Variants in ASB15 observed in about 807,000 individuals in gnomAD.
The protein encoded by ASB15 is ankyrin repeat and SOCS box protein 15.
A neutral mutation model predicts 58.0 loss-of-function variants in ASB15; 54 were observed. The observed-to-expected ratio is 0.93, with a 90% CI of 0.75 to 1.17. ASB15 has a LOEUF of 1.17. Among genes scored for constraint, ASB15 ranks in the 50% most tolerant of loss-of-function variants. The pLI is 0.00. For missense variants in ASB15, 680 were observed against 707.4 expected (o/e 0.96, Z 0.44); for synonymous variants, 249 against 262.4 (o/e 0.95, Z 0.50).
At chr7:123,623,892 AAGAAAGAATGGAAG>A in intron 7 of ASB15, among the ~76,000 whole-genome samples, 1 of 70,656 alleles carries the variant, frequency 1.4e-5, no homozygotes, top group Non-Finnish European at 2.8e-5. Context: ...GAAAAGAAGA[AAGAAAGAATGGAAG>A]GAAGGAAGGA....
At chr7:123,584,016 T>A (rs1320195945) in intron 1 of ASB15, among the ~76,000 whole-genome samples, 1 of 151,986 alleles carries the variant, frequency 6.6e-6, no homozygotes, top group African/African-American at 2.4e-5. Flanking sequence ...GCCCCGGAGT[T>A]CATCCCTTAA....
intron 11 of ASB15, among the ~76,000 whole-genome samples, chr7:123,631,692 A>T (rs997668765): frequency 1.3e-5 from 2 of 152,192 alleles, no homozygotes; most frequent in Non-Finnish European, 2.9e-5. Context: ...AGTCATTGCA[A>T]GAAAATAATA....
At position 123,628,830 on chromosome 7, in the gene ASB15, T is replaced by C. The variant is rs751458870; in HGVS notation, c.870-34T>C. 2.9e-6 allele frequency: 4 copies of C among 1,369,736 alleles called. No homozygotes were observed. The African/African-American group carries it at 5.9e-5, about 20-fold the overall frequency. The allele number at this position is 1,369,736 out of a possible 1,614,324, so 84.8% of individuals were successfully genotyped here. ...GTTTATTTAATTTCTTGATTTTCTTTATGGCAAGTAGATATTTGACTTTTT... is the reference window on the plus strand; with the variant it reads ...GTTTATTTAATTTCTTGATTTTCTTCATGGCAAGTAGATATTTGACTTTTT... On this transcript the variant is annotated intron_variant, in intron 9 of 11. Transcript: ENST00000451215.
rs1286129165 is a variant in ASB15 at position 123,637,925 on chromosome 7, G to C, written c.*944G>C. The C allele has an allele frequency of 2.4e-5, 3 of 122,614 alleles. No homozygotes were observed. Among genetic ancestry groups the C allele is most frequent in the Non-Finnish European group, 3.4e-5 (2 of 58,738 alleles). The allele number at this position is 122,614 out of a possible 1,614,324, so 7.6% of individuals were successfully genotyped here. A position where few individuals can be genotyped will look rare whatever the true frequency, so the allele number is the denominator to read the frequency against. On this transcript the variant is annotated 3_prime_UTR_variant, in exon 12 of 12. Coordinates refer to ENST00000451215, the MANE Select transcript of ASB15 (RefSeq NM_001290258.2). ...ACCTCTTTCCCGAGCTCAGTAGTTA[G>C]CACAATGCTCAATTCAGTTTCCAAA...
In ASB15 at chr7:123,638,385, C is replaced by A. The variant is rs1039502785; in HGVS notation, c.*1404C>A. ...ATTTTATTTTTTAAACACTGATTCC[C>A]AGACTTCAAGGTGTCATACACTAAT... On this transcript the variant is annotated 3_prime_UTR_variant, in exon 12 of 12. Transcript: ENST00000451215. 4 of 152,066 alleles carry A rather than the reference C, an allele frequency of 2.6e-5. No homozygotes were observed. The highest frequency in any genetic ancestry group is 5.9e-5 in the Non-Finnish European group (4 of 68,014). The allele number at this position is 152,066 out of a possible 1,614,324, so 9.4% of individuals were successfully genotyped here. A position where few individuals can be genotyped will look rare whatever the true frequency, so the allele number is the denominator to read the frequency against.
intron 7 of ASB15, among the ~76,000 whole-genome samples, chr7:123,623,930 GAAAAGAAA>G (rs1193100385): frequency 0.11 from 3,797 of 35,368 alleles, 141 homozygotes; most frequent in Admixed American, 0.14. Flanking sequence ...AAGAAAGAAA[GAAAAGAAA>G]GAAAGAAAGA....
chr7:123,617,151 C>A (rs1800871261), intron 6 of ASB15, among the ~76,000 whole-genome samples: 1 of 152,058 alleles, frequency 6.6e-6, no homozygotes, highest in African/African-American at 2.4e-5. Flanking sequence ...AACTAGACAG[C>A]CAGACAGACA....
At chr7:123,633,929 C>T (rs766491792) in intron 11 of ASB15, among the ~76,000 whole-genome samples, 1 of 152,120 alleles carries the variant, frequency 6.6e-6, no homozygotes, top group Non-Finnish European at 1.5e-5. Flanking sequence ...TGAAGAGGCT[C>T]CAACTGGCCA....
At chr7:123,578,468 A>G (rs10231717) in intron 1 of ASB15, among the ~76,000 whole-genome samples, 1 of 151,582 alleles carries the variant, frequency 6.6e-6, no homozygotes, top group Admixed American at 6.6e-5. Context: ...TTTTTCTGGA[A>G]CTTTGTTTCC....
intron 11 of ASB15, among the ~76,000 whole-genome samples, chr7:123,634,436 T>C (rs1056124949): frequency 2.6e-5 from 4 of 152,224 alleles, no homozygotes; most frequent in African/African-American, 9.6e-5. Context: ...CAAACTTTCT[T>C]TATCCAGTCT....
intron 1 of ASB15, among the ~76,000 whole-genome samples, chr7:123,567,561 G>T (rs549966879): frequency 6.6e-6 from 1 of 152,306 alleles, no homozygotes; most frequent in Admixed American, 6.5e-5. Context: ...TCCTACCAAA[G>T]TTAGGTGGTT....
intron 3 of ASB15, chr7:123,609,120 A>C (rs1391831756): frequency 2.6e-5 from 4 of 152,210 alleles, no homozygotes; most frequent in Non-Finnish European, 5.9e-5. Context: ...TTCCCAGGGA[A>C]TCAGTGTCCC....
intron 1 of ASB15, among the ~76,000 whole-genome samples, chr7:123,591,592 G>A (rs1218576324): frequency 6.6e-6 from 1 of 152,118 alleles, no homozygotes; most frequent in East Asian, 1.9e-4. Context: ...TTTATGTGAT[G>A]GATTACATTT....
chr7:123,616,308 G>T, intron 5 of ASB15, 35 bp downstream of exon 5: 1 of 1,609,482 alleles, frequency 6.2e-7, no homozygotes, highest in South Asian at 1.1e-5. Context: ...GGGATGGACT[G>T]GAGATTCCAC....
At position 123,617,708 on chromosome 7, in the gene ASB15, A is replaced by G. The variant is rs1397660132; in HGVS notation, c.422A>G (p.Asn141Ser). ...LEKGVWPNTK[N>S]DKGETPLLIA... ...AAGGGAGTGTGGCCCAACACAAAAA[A>G]TGATAAAGGAGAGACCCCCCTTCTG... The change falls in exon 7 of 12, where the codon AAT becomes AGT. Residue 141 changes from asparagine (N) to serine (S), a missense_variant. Asn to Ser is a conservative substitution (Grantham distance 46). Transcript: ENST00000451215. The G allele has an allele frequency of 6.2e-7, 1 of 1,613,050 alleles. No individual in the cohort carries two copies. Among genetic ancestry groups the G allele is most frequent in the South Asian group, 1.1e-5 (1 of 91,024 alleles).
intron 11 of ASB15, among the ~76,000 whole-genome samples, chr7:123,631,339 T>G: frequency 6.6e-6 from 1 of 152,188 alleles, no homozygotes; most frequent in East Asian, 1.9e-4. Flanking sequence ...CTTAATAAAT[T>G]TATTTAGTTT....
chr7:123,620,511 T>C (rs867479281), intron 7 of ASB15, among the ~76,000 whole-genome samples: 86 of 4,724 alleles, frequency 0.018, no homozygotes, highest in South Asian at 0.04. Flanking sequence ...TACATACATA[T>C]ATATATATAT....
At chr7:123,629,778 C>G (rs997927664) in intron 10 of ASB15, among the ~76,000 whole-genome samples, 188 bp from the exon 11 acceptor site, 3 of 152,116 alleles carry the variant, frequency 2.0e-5, no homozygotes, top group Admixed American at 6.5e-5. Flanking sequence ...ACATCAGAGC[C>G]AGGCGAGTCT....
At chr7:123,615,073 T>C (rs1800713618) in intron 4 of ASB15, among the ~76,000 whole-genome samples, 1 of 152,188 alleles carries the variant, frequency 6.6e-6, no homozygotes. Context: ...CTAAGCCATG[T>C]AGCCCATTAG....
Sources: allele counts gnomAD v4.1 joint callset (sites outside exome capture counted in the v4.1 genomes callset), GRCh38; gene constraint gnomAD v4.1.1; transcripts MANE v1.5; gene names NCBI Gene and HGNC (gene_info 2026-07-23, HGNC 2026-07-21).